Variants in MRTFA observed in about 807,000 individuals in gnomAD.
MRTFA encodes myocardin-related transcription factor A.
In MRTFA, 20 loss-of-function variants were observed where a neutral mutation model predicts 83.5. The observed-to-expected ratio is 0.24, with a 90% CI of 0.17 to 0.35. MRTFA has a LOEUF of 0.35. MRTFA is among the 10% of genes least tolerant of loss of function. MRTFA has a pLI of 1.00. For missense variants in MRTFA, 1,200 were observed against 1,224.7 expected, an observed-to-expected ratio of 0.98 and a Z score of 0.30; for synonymous variants, 659 against 541.2, an observed-to-expected ratio of 1.22 and a Z score of -3.02.
chr22:40,455,721 G>T lies in MRTFA; in HGVS notation c.307+7500C>A, dbSNP rs191004090. On this transcript the variant is annotated intron_variant, in intron 4 of 14. Coordinates refer to ENST00000355630, the MANE Select transcript of MRTFA (RefSeq NM_020831.6). ...GTGGGAGTCAGCAGGATGACAGGGTGTCGGGGTGGCAGAGGATGTTGGAGA... is the reference window on the plus strand; with the variant it reads ...GTGGGAGTCAGCAGGATGACAGGGTTTCGGGGTGGCAGAGGATGTTGGAGA... Among the ~76,000 whole-genome samples the T allele has an allele frequency of 5.9e-5, 9 of 151,514 alleles. 1 individual carries two copies. In the East Asian group the frequency reaches 1.8e-3, roughly 30 times the overall value.
chr22:40,532,586 G>A (rs1177516412), intron 3 of MRTFA, among the ~76,000 whole-genome samples: 1 of 152,142 alleles, frequency 6.6e-6, no homozygotes, highest in East Asian at 1.9e-4. Context: ...GAACAAAATG[G>A]TAGTGGTATC....
intron 3 of MRTFA, among the ~76,000 whole-genome samples, chr22:40,502,131 G>A (rs1242942598): frequency 0.016 from 1,513 of 93,164 alleles, no homozygotes; most frequent in Middle Eastern, 0.058. Context: ...CTCACCTCCC[G>A]GACGGGGCGG....
chr22:40,435,675 G>A (rs1217646725), intron 4 of MRTFA, 121 bp from the exon 5 acceptor site: 4 of 1,049,066 alleles, frequency 3.8e-6, no homozygotes, highest in Non-Finnish European at 4.4e-6. Context: ...GCTCACGCCT[G>A]TAATCCCAAC....
chr22:40,492,899 C>T (rs992535550), intron 3 of MRTFA, among the ~76,000 whole-genome samples: 2 of 152,166 alleles, frequency 1.3e-5, no homozygotes, highest in Admixed American at 1.3e-4. Flanking sequence ...AAACACTTTG[C>T]TGACAAAATA....
chr22:40,586,161 C>A (rs1477979497), intron 2 of MRTFA, among the ~76,000 whole-genome samples: 2 of 151,468 alleles, frequency 1.3e-5, no homozygotes, highest in African/African-American at 4.9e-5. Flanking sequence ...TTTTTTATCT[C>A]CATCAAAGTC....
At chr22:40,541,758 C>G (rs1349934232) in intron 3 of MRTFA, among the ~76,000 whole-genome samples, 2 of 149,980 alleles carry the variant, frequency 1.3e-5, no homozygotes, top group Admixed American at 6.6e-5. Context: ...TCTCCGCCTC[C>G]CGGGTTCAAG....
At chr22:40,451,459 C>T (rs1260603650) in intron 4 of MRTFA, among the ~76,000 whole-genome samples, 1 of 152,092 alleles carries the variant, frequency 6.6e-6, no homozygotes, top group Non-Finnish European at 1.5e-5. Context: ...GTTTTGGCAC[C>T]GGCTATCACC....
chr22:40,444,846 T>C (rs986357144), intron 4 of MRTFA, among the ~76,000 whole-genome samples: 2 of 151,994 alleles, frequency 1.3e-5, no homozygotes, highest in African/African-American at 4.8e-5. Context: ...GGCCAGTGGA[T>C]CACTTGAGGC....
Position 40,411,573 on chromosome 22 carries a change from C to A in MRTFA, c.2913G>T (p.Glu971Asp). The A allele has an allele frequency of 2.5e-6, 4 of 1,613,862 alleles. No homozygotes were observed. The highest frequency in any genetic ancestry group is 3.4e-6 in the Non-Finnish European group (4 of 1,179,986). The change falls in exon 15 of 15, where the codon GAG (glutamate) becomes GAT (aspartate). Residue 971 changes from glutamate (E) to aspartate (D), a missense_variant. This residue lies in a region of MRTFA where 1,107 missense variants were observed against 1,041.8 expected (regional missense o/e 1.06). Coordinates refer to ENST00000355630, the MANE Select transcript of MRTFA (RefSeq NM_020831.6). Reference sequence around the variant, plus strand: ...GGTCCAGGCCCATGGTGCTGCTGGGCTCAGGAACAAAGTGCAATTCCGAGG... The same window carrying A: ...GGTCCAGGCCCATGGTGCTGCTGGGATCAGGAACAAAGTGCAATTCCGAGG...
At chr22:40,612,491 G>A (rs1198015171) in intron 1 of MRTFA, among the ~76,000 whole-genome samples, 1 of 152,156 alleles carries the variant, frequency 6.6e-6, no homozygotes, top group Non-Finnish European at 1.5e-5. Context: ...GCACGCAAAC[G>A]TTTTTTGTTT....
chr22:40,606,591 T>C (rs189864681), intron 1 of MRTFA, among the ~76,000 whole-genome samples: 147 of 152,372 alleles, frequency 9.6e-4, no homozygotes, highest in Non-Finnish European at 1.6e-3. Context: ...ATCTAAATTA[T>C]AGAAATTCTT....
chr22:40,630,823 C>G lies in MRTFA; in HGVS notation c.-84+5655G>C, dbSNP rs1316200835. Among the ~76,000 whole-genome samples, 6 of 152,328 alleles carry G rather than the reference C, an allele frequency of 3.9e-5. No individual in the cohort carries two copies. In the South Asian group the frequency reaches 1.2e-3, roughly 32 times the overall value. ...GCTCAAGCAATCCTCCTGTCTCAGC[C>G]TCTCACATGGCTGGGATTATAGGCA... On this transcript the variant is annotated intron_variant, in intron 1 of 14. Coordinates refer to ENST00000355630, the MANE Select transcript of MRTFA (RefSeq NM_020831.6).
rs906159080 is a variant in MRTFA at position 40,594,717 on chromosome 22, C to T, written c.-65G>A. On this transcript the variant is annotated 5_prime_UTR_variant, in exon 2 of 15. Coordinates refer to ENST00000355630, the MANE Select transcript of MRTFA (RefSeq NM_020831.6). ...AGACAGATGAAATTCAATTCCATGC[C>T]AACCATACCCTCCGATCACTACAAC... 6.6e-6 allele frequency: 1 copy of T among 151,956 alleles called. No individual in the cohort carries two copies. The highest frequency in any genetic ancestry group is 1.5e-5 in the Non-Finnish European group (1 of 67,990). The allele number at this position is 151,956 out of a possible 1,614,324, so 9.4% of individuals were successfully genotyped here.
At chr22:40,554,270 G>A (rs2055486776) in intron 2 of MRTFA, among the ~76,000 whole-genome samples, 1 of 152,174 alleles carries the variant, frequency 6.6e-6, no homozygotes, top group Non-Finnish European at 1.5e-5. Context: ...TTTGAAATGT[G>A]AAGACCTGTG....
chr22:40,459,830 CATAT>C (rs55885079), intron 4 of MRTFA, among the ~76,000 whole-genome samples: 4,176 of 86,954 alleles, frequency 0.048, 187 homozygotes, highest in Middle Eastern at 0.14. Flanking sequence ...CACATATATA[CATAT>C]ATATATATAT....
chr22:40,497,765 G>A (rs111330546), intron 3 of MRTFA, among the ~76,000 whole-genome samples: 2 of 151,748 alleles, frequency 1.3e-5, no homozygotes, highest in South Asian at 2.1e-4. Context: ...AAAGGAAATC[G>A]CATGGGGTAG....
chr22:40,584,421 G>C (rs2055994702), intron 2 of MRTFA, among the ~76,000 whole-genome samples: 1 of 152,206 alleles, frequency 6.6e-6, no homozygotes, highest in Non-Finnish European at 1.5e-5. Flanking sequence ...GTCTGGCTCA[G>C]CACGTTATCT....
chr22:40,463,169 C>G, intron 4 of MRTFA, 52 bp downstream of exon 4: 2 of 1,478,412 alleles, frequency 1.4e-6, no homozygotes, highest in Non-Finnish European at 1.9e-6. Context: ...TCGGTGAACA[C>G]AGCCATGTCC....
chr22:40,537,065 G>GA (rs1244513425), intron 3 of MRTFA, among the ~76,000 whole-genome samples: 3 of 58,702 alleles, frequency 5.1e-5, no homozygotes, highest in South Asian at 5.3e-4. Context: ...GGAGGAGGTG[G>GA]GGGGTCAGTC....
Sources: allele counts gnomAD v4.1 joint callset (sites outside exome capture counted in the v4.1 genomes callset), GRCh38; gene constraint gnomAD v4.1.1; regional missense constraint gnomAD v4.1.1; transcripts MANE v1.5; gene names NCBI Gene and HGNC (gene_info 2026-07-23, HGNC 2026-07-21).